Variants in CMKLR2 observed in about 807,000 individuals in gnomAD.
The protein encoded by CMKLR2 is chemerin-like receptor 2.
Under a neutral mutation model 23.0 loss-of-function variants are expected in CMKLR2, and 18 were observed. The observed-to-expected ratio is 0.78, with a 90% CI of 0.54 to 1.16. CMKLR2 has a LOEUF of 1.16. Among genes scored for constraint, CMKLR2 ranks in the 50% most tolerant of loss-of-function variants. The probability of loss-of-function intolerance (pLI) is 0.00; values close to 1 mark genes in which losing one functional copy is unlikely to be tolerated. For synonymous variants in CMKLR2, 158 were observed against 158.9 expected (o/e 0.99, Z 0.05); for missense variants, 401 against 412.7 (o/e 0.97, Z 0.25).
chr2:206,209,336 C>T (rs1689450477), intron 1 of CMKLR2, among the ~76,000 whole-genome samples: 1 of 147,456 alleles, frequency 6.8e-6, no homozygotes, highest in African/African-American at 2.5e-5. Flanking sequence ...AAGACTCTGT[C>T]TCCAAAAAAA....
At chr2:206,188,850 TA>T (rs1688663004) in intron 1 of CMKLR2, among the ~76,000 whole-genome samples, 2 of 152,204 alleles carry the variant, frequency 1.3e-5, no homozygotes, top group South Asian at 4.1e-4. Flanking sequence ...CTTTTCTGAA[TA>T]AATAAATTTT....
At chr2:206,185,929 C>T (rs1336179677) in intron 1 of CMKLR2, among the ~76,000 whole-genome samples, 2 of 152,108 alleles carry the variant, frequency 1.3e-5, no homozygotes, top group Non-Finnish European at 2.9e-5. Context: ...GATGAGCCAC[C>T]TTGCACCAAG....
intron 1 of CMKLR2, among the ~76,000 whole-genome samples, chr2:206,197,886 A>G (rs1474873331): frequency 2.0e-5 from 3 of 152,142 alleles, no homozygotes; most frequent in African/African-American, 7.2e-5. Flanking sequence ...TTTTAATTAA[A>G]ACAAATGACA....
intron 1 of CMKLR2, among the ~76,000 whole-genome samples, chr2:206,188,264 A>G (rs886896668): frequency 3.3e-5 from 5 of 152,188 alleles, no homozygotes; most frequent in Admixed American, 3.3e-4. Context: ...GGTTTAAAAT[A>G]AAGAGGATCA....
intron 1 of CMKLR2, among the ~76,000 whole-genome samples, chr2:206,201,851 G>A (rs1407509133): frequency 6.6e-6 from 1 of 152,144 alleles, no homozygotes; most frequent in African/African-American, 2.4e-5. Context: ...ACTATATCAT[G>A]TGAGGAGCAT....
intron 1 of CMKLR2, among the ~76,000 whole-genome samples, chr2:206,179,376 T>A (rs1190734365): frequency 1.3e-5 from 1 of 78,664 alleles, no homozygotes; most frequent in East Asian, 6.6e-4. Context: ...CACCCAGCCT[T>A]TTTTTTTTTT....
intron 1 of CMKLR2, among the ~76,000 whole-genome samples, chr2:206,181,329 G>C (rs1195102861): frequency 2.6e-5 from 4 of 151,880 alleles, no homozygotes; most frequent in Non-Finnish European, 5.9e-5. Context: ...CAAAGTGCTG[G>C]GATTACAGGT....
intron 1 of CMKLR2, among the ~76,000 whole-genome samples, chr2:206,212,036 G>T (rs367932952): frequency 1.1e-4 from 16 of 151,868 alleles, no homozygotes; most frequent in African/African-American, 3.9e-4. Flanking sequence ...AAATCTAAGA[G>T]GGAACAGGAG....
intron 1 of CMKLR2, among the ~76,000 whole-genome samples, chr2:206,205,526 C>T (rs1039145955): frequency 6.6e-6 from 1 of 150,554 alleles, no homozygotes; most frequent in Non-Finnish European, 1.5e-5. Flanking sequence ...CCACACCCGG[C>T]TAATTTTTTT....
intron 1 of CMKLR2, among the ~76,000 whole-genome samples, chr2:206,179,317 C>T (rs145458039): frequency 0.018 from 2,726 of 149,730 alleles, 79 homozygotes; most frequent in African/African-American, 0.064. Context: ...TCCGGTGATT[C>T]GCCCACCTTG....
chr2:206,176,713 C>G lies in CMKLR2; in HGVS notation c.535G>C (p.Val179Leu). 1 of 1,614,166 alleles carries G rather than the reference C, an allele frequency of 6.2e-7. No individual in the cohort carries two copies. Among genetic ancestry groups the G allele is most frequent in the Non-Finnish European group, 8.5e-7 (1 of 1,180,034 alleles). The change falls in exon 2 of 2, where the codon GTG becomes CTG. Residue 179 changes from valine (V) to leucine (L), a missense_variant. Transcript: ENST00000621141. ...GGPALYFRDT[V>L]EFNNHTLCYN... ...CAAAGAGTATGATTATTGAACTCCA[C>G]AGTGTCCCGGAAGTACAGGGCAGGA...
intron 1 of CMKLR2, among the ~76,000 whole-genome samples, chr2:206,202,719 G>C (rs987972016): frequency 6.6e-6 from 1 of 152,116 alleles, no homozygotes; most frequent in Non-Finnish European, 1.5e-5. Flanking sequence ...GGCAGCGGCG[G>C]GGGGCTGGGT....
At chr2:206,181,366 T>C (rs1688407317) in intron 1 of CMKLR2, among the ~76,000 whole-genome samples, 1 of 146,580 alleles carries the variant, frequency 6.8e-6, no homozygotes, top group African/African-American at 2.5e-5. Context: ...GGCCCTATTA[T>C]TTTTTTTTTT....
chr2:206,183,989 T>G (rs1342866754), intron 1 of CMKLR2, among the ~76,000 whole-genome samples: 1 of 152,146 alleles, frequency 6.6e-6, no homozygotes, highest in African/African-American at 2.4e-5. Flanking sequence ...ACAACAGAAA[T>G]GTATTGTCTC....
chr2:206,214,063 C>T (rs1326321801), upstream of CMKLR2, among the ~76,000 whole-genome samples: 1 of 151,484 alleles, frequency 6.6e-6, no homozygotes, highest in South Asian at 2.1e-4. Context: ...CACGTTGGCC[C>T]GGCTAGTCTT....
intron 1 of CMKLR2, among the ~76,000 whole-genome samples, chr2:206,205,824 C>T (rs991222694): frequency 1.3e-5 from 2 of 152,040 alleles, no homozygotes; most frequent in Non-Finnish European, 2.9e-5. Flanking sequence ...CTCAGCCTCC[C>T]TACTAGCTGG....
intron 1 of CMKLR2, among the ~76,000 whole-genome samples, chr2:206,185,871 A>G (rs890201260): frequency 6.6e-6 from 1 of 152,140 alleles, no homozygotes; most frequent in African/African-American, 2.4e-5. Context: ...CCAAGGCCTT[A>G]TACATCCCCT....
chr2:206,177,095 C>T lies in CMKLR2; in HGVS notation c.153G>A (p.Leu51=). The T allele has an allele frequency of 6.2e-7, 1 of 1,614,168 alleles. No individual in the cohort carries two copies. Among genetic ancestry groups the T allele is most frequent in the Non-Finnish European group, 8.5e-7 (1 of 1,180,040 alleles). ...SLVLYCLAFV[L]GIPGNAIVIW... ...TGACGATGGCATTTCCTGGAATTCC[C>T]AGAACAAAAGCCAAACAATATAACA... is the stretch of plus-strand genomic sequence containing the variant. The change falls in exon 2 of 2, where the codon CTG becomes CTA. Residue 51 remains leucine (L), a synonymous_variant. Transcript: ENST00000621141.
chr2:206,209,487 T>A (rs1172764762), intron 1 of CMKLR2, among the ~76,000 whole-genome samples: 7 of 152,050 alleles, frequency 4.6e-5, no homozygotes, highest in Non-Finnish European at 1.0e-4. Context: ...ATCACCTAGG[T>A]ATTAAGCCCA....
Sources: gnomAD v4.1 joint callset for allele counts (sites outside exome capture counted in the v4.1 genomes callset) on GRCh38, gnomAD v4.1.1 for gene constraint, MANE v1.5 for transcripts, NCBI Gene and HGNC (gene_info 2026-07-23, HGNC 2026-07-21) for gene names.